The following RBFOX1 variants were observed in gnomAD, a reference collection of about 807,000 sequenced individuals.
The protein encoded by RBFOX1 is RNA binding fox-1 homolog 1, also known as RNA binding protein fox-1 homolog 1.
In RBFOX1, 8 loss-of-function variants were observed where a neutral mutation model predicts 57.7. The observed-to-expected ratio is 0.14, with a 90% CI of 0.08 to 0.25. RBFOX1 has a LOEUF of 0.25. Ranked by LOEUF, RBFOX1 falls within the 10% of genes least tolerant of loss-of-function variation. RBFOX1 has a pLI of 1.00. For synonymous variants in RBFOX1, 326 were observed against 222.4 expected (o/e 1.47, Z -4.15); for missense variants, 611 against 548.5 (o/e 1.11, Z -1.14).
chr16:6,507,989 T>C (rs1386323558), intron 2 of RBFOX1, among the ~76,000 whole-genome samples: 1 of 151,952 alleles, frequency 6.6e-6, no homozygotes, highest in Non-Finnish European at 1.5e-5. Context: ...ATAGACTGGA[T>C]AAAGAAAATG....
In RBFOX1 at chr16:6,566,928, A is replaced by G. The variant is rs115748690; in HGVS notation, c.-63-87675A>G. 4.8e-3 allele frequency among the ~76,000 whole-genome samples: 731 copies of G among 152,354 alleles called. 9 individuals carry two copies. The highest frequency in any genetic ancestry group is 0.017 in the African/African-American group (687 of 41,580). On this transcript the variant is annotated intron_variant, in intron 2 of 15. Transcript: ENST00000550418. Reference sequence around the variant, plus strand: ...AAGTCTTTGAACATAGACCACAAAAAATTGACATGTTGGAGATGAATTTAC... The same window carrying G: ...AAGTCTTTGAACATAGACCACAAAAGATTGACATGTTGGAGATGAATTTAC...
At chr16:6,107,301 C>G (rs929478280) in intron 1 of RBFOX1, among the ~76,000 whole-genome samples, 1 of 152,010 alleles carries the variant, frequency 6.6e-6, no homozygotes, top group Non-Finnish European at 1.5e-5. Flanking sequence ...CTTTCACTAC[C>G]CATGAAATGA....
At chr16:7,622,697 G>T (rs1320796642) in intron 10 of RBFOX1, among the ~76,000 whole-genome samples, 4 of 152,044 alleles carry the variant, frequency 2.6e-5, no homozygotes, top group Admixed American at 2.6e-4. Context: ...ACTATAGACA[G>T]ATGCGCTTCA....
intron 4 of RBFOX1, among the ~76,000 whole-genome samples, chr16:7,267,172 G>A (rs903836230): frequency 8.5e-5 from 13 of 152,176 alleles, no homozygotes; most frequent in African/African-American, 2.7e-4. Context: ...GCCGAGGTAG[G>A]CAGGTTGCTT....
At chr16:5,992,605 C>G (rs1355192500) in intron 4 of RBFOX1, among the ~76,000 whole-genome samples, 1 of 151,948 alleles carries the variant, frequency 6.6e-6, no homozygotes, top group African/African-American at 2.4e-5. Context: ...TCTAGGAATC[C>G]GATGAGAAAC....
At chr16:7,705,696 C>G (rs1459168666) in intron 14 of RBFOX1, among the ~76,000 whole-genome samples, 2 of 152,034 alleles carry the variant, frequency 1.3e-5, no homozygotes, top group Admixed American at 1.3e-4. Context: ...GAGAGATGGA[C>G]AGACTTGAGA....
At chr16:6,419,563 G>C (rs139760775) in intron 2 of RBFOX1, among the ~76,000 whole-genome samples, 24 of 152,312 alleles carry the variant, frequency 1.6e-4, no homozygotes, top group African/African-American at 5.5e-4. Context: ...AGGCAGAGGA[G>C]AATGAAAAGG....
At chr16:6,794,060 A>T (rs1603624753) in intron 3 of RBFOX1, among the ~76,000 whole-genome samples, 1 of 152,102 alleles carries the variant, frequency 6.6e-6, no homozygotes, top group Non-Finnish European at 1.5e-5. Context: ...AGGAGTCAAC[A>T]TACTGCCCAA....
chr16:6,474,171 G>A (rs1199281527), intron 2 of RBFOX1, among the ~76,000 whole-genome samples: 1 of 152,038 alleles, frequency 6.6e-6, no homozygotes, highest in Non-Finnish European at 1.5e-5. Context: ...AAGGAAAGAA[G>A]GGAGGGAAAA....
intron 3 of RBFOX1, among the ~76,000 whole-genome samples, chr16:5,810,363 A>G (rs971739557): frequency 5.9e-5 from 9 of 152,216 alleles, no homozygotes; most frequent in African/African-American, 1.9e-4. Context: ...GGTGGTGTCA[A>G]CAGCCAAGGA....
intron 1 of RBFOX1, among the ~76,000 whole-genome samples, chr16:6,151,609 C>G (rs1597822482): frequency 6.6e-6 from 1 of 152,154 alleles, no homozygotes; most frequent in Non-Finnish European, 1.5e-5. Flanking sequence ...TTATGTCATT[C>G]TCCATCTTCA....
chr16:5,620,699 G>T (rs977171625), intron 3 of RBFOX1, among the ~76,000 whole-genome samples: 3 of 152,084 alleles, frequency 2.0e-5, no homozygotes, highest in Non-Finnish European at 4.4e-5. Context: ...TTTTGGTAGA[G>T]ATAGGGTCTC....
chr16:6,708,709 C>G (rs2063209265), intron 3 of RBFOX1, among the ~76,000 whole-genome samples: 1 of 152,188 alleles, frequency 6.6e-6, no homozygotes, highest in African/African-American at 2.4e-5. Context: ...ATAATTACAC[C>G]TGTTCCCTTC....
chr16:6,837,934 G>A lies in RBFOX1; in HGVS notation c.-16+183284G>A, dbSNP rs72766800. Among the ~76,000 whole-genome samples the A allele has an allele frequency of 4.2e-3, 641 of 151,488 alleles. 5 individuals are homozygous for A. Among genetic ancestry groups the A allele is most frequent in the Middle Eastern group, 0.017 (5 of 290 alleles). On this transcript the variant is annotated intron_variant, in intron 3 of 15. Coordinates refer to ENST00000550418, the MANE Select transcript of RBFOX1 (RefSeq NM_018723.4). Reference sequence around the variant, plus strand: ...ACTGTCACCATGGCAACAGCAGGAAGTTACCACCTCTTTCCATGGCAACAC... The same window carrying A: ...ACTGTCACCATGGCAACAGCAGGAAATTACCACCTCTTTCCATGGCAACAC...
chr16:6,029,828 G>T (rs1163701221), intron 1 of RBFOX1, among the ~76,000 whole-genome samples: 1 of 151,614 alleles, frequency 6.6e-6, no homozygotes, highest in Non-Finnish European at 1.5e-5. Context: ...GTAGGTGAGG[G>T]ATAAGAACCA....
chr16:5,535,031 A>C (rs1376998919), intron 2 of RBFOX1, among the ~76,000 whole-genome samples: 1 of 152,244 alleles, frequency 6.6e-6, no homozygotes, highest in African/African-American at 2.4e-5. Flanking sequence ...ACAGACAAAA[A>C]TAACTATCCT....
At chr16:7,034,841 C>CTTTTTTTTTTTTTTT (rs1255430430) in intron 3 of RBFOX1, among the ~76,000 whole-genome samples, 484 of 38,932 alleles carry the variant, frequency 0.012, 61 homozygotes, top group Non-Finnish European at 0.014. Context: ...TTTTTTTTTT[C>CTTTTTTTTTTTTTTT]TTTTTTCTTT....
intron 4 of RBFOX1, among the ~76,000 whole-genome samples, chr16:5,994,813 A>G (rs772298287): frequency 6.6e-6 from 1 of 152,194 alleles, no homozygotes; most frequent in South Asian, 2.1e-4. Flanking sequence ...CTTCTCCACT[A>G]TATTTCAGGG....
intron 4 of RBFOX1, among the ~76,000 whole-genome samples, chr16:7,337,338 G>C (rs946445045): frequency 6.6e-6 from 1 of 152,148 alleles, no homozygotes; most frequent in Non-Finnish European, 1.5e-5. Context: ...TTCAAAGGAA[G>C]GGAACTGGTA....
Sources: gnomAD v4.1 joint callset for allele counts (sites outside exome capture counted in the v4.1 genomes callset) on GRCh38, gnomAD v4.1.1 for gene constraint, MANE v1.5 for transcripts, NCBI Gene and HGNC (gene_info 2026-07-23, HGNC 2026-07-21) for gene names.